Variants in RGMA observed in about 807,000 individuals in gnomAD.
RGMA encodes repulsive guidance molecule BMP co-receptor a, also known as repulsive guidance molecule A.
RGMA carries 10 observed loss-of-function variants against 23.2 expected under a neutral mutation model. That is an observed-to-expected ratio of 0.43 (90% CI 0.27 to 0.73). The LOEUF is 0.73. RGMA is among the 30% of genes least tolerant of loss of function. The pLI is 0.20. For missense variants in RGMA, 547 were observed against 630.5 expected (o/e 0.87, Z 1.42); for synonymous variants, 308 against 279.3 (o/e 1.10, Z -1.03).
chr15:93,044,981 C>G lies in RGMA; in HGVS notation c.*17G>C. 8.9e-6 allele frequency: 14 copies of G among 1,578,508 alleles called. No individual in the cohort carries two copies. The highest frequency in any genetic ancestry group is 1.1e-5 in the South Asian group (1 of 88,084). ...GCCGAGAGGACGGAGCCCGCGCCTC[C>G]CTCCACATCTACGCGTCTAGCAGAA... is the stretch of plus-strand genomic sequence containing the variant. On this transcript the variant is annotated 3_prime_UTR_variant, in exon 4 of 4. Coordinates refer to ENST00000329082, the MANE Select transcript of RGMA (RefSeq NM_020211.3).
chr15:93,047,379 C>T (rs1312426438), intron 3 of RGMA, among the ~76,000 whole-genome samples: 1 of 152,132 alleles, frequency 6.6e-6, no homozygotes, highest in Non-Finnish European at 1.5e-5. Flanking sequence ...CCCCCTGGAC[C>T]AAGGGCAGCT....
At chr15:93,087,460 T>C (rs1385474929) in intron 1 of RGMA, among the ~76,000 whole-genome samples, 2 of 2,090 alleles carry the variant, frequency 9.6e-4, no homozygotes, top group African/African-American at 1.7e-3. Context: ...CTTCTTTGTA[T>C]GTGCAAAAAA....
At chr15:93,083,265 T>C (rs955018425) in intron 1 of RGMA, among the ~76,000 whole-genome samples, 1 of 152,274 alleles carries the variant, frequency 6.6e-6, no homozygotes, top group East Asian at 1.9e-4. Flanking sequence ...TTTTGTCATA[T>C]GATCTTGGGA....
rs962590527 is a variant in RGMA, at chr15:93,073,419, C to A, written c.15-388G>T. On this transcript the variant is annotated intron_variant, in intron 1 of 3. Coordinates refer to ENST00000329082, the MANE Select transcript of RGMA (RefSeq NM_020211.3). ...CGCTCCCCGACCCTCGCGCCATCTC[C>A]AGCCCGCGGCTGTCCTTGCAAACCA... 15 of 762,746 alleles carry A rather than the reference C, an allele frequency of 2.0e-5. No homozygotes were observed. In the African/African-American group the frequency reaches 2.5e-4, roughly 13 times the overall value. The allele number at this position is 762,746 out of a possible 1,614,324, so 47.2% of individuals were successfully genotyped here. A position where few individuals can be genotyped will look rare whatever the true frequency, so the allele number is the denominator to read the frequency against.
intron 1 of RGMA, 78 bp downstream of exon 1, chr15:93,088,841 C>T: frequency 7.6e-7 from 1 of 1,321,998 alleles, no homozygotes; most frequent in Non-Finnish European, 1.0e-6. Flanking sequence ...ACCAAAGCAG[C>T]GCCGTGGCCC....
intron 1 of RGMA, among the ~76,000 whole-genome samples, chr15:93,082,072 G>C (rs1009891648): frequency 6.6e-6 from 1 of 152,220 alleles, no homozygotes; most frequent in Non-Finnish European, 1.5e-5. Flanking sequence ...AGATTGTTGT[G>C]AGGATTAAAT....
intron 2 of RGMA, 127 bp downstream of exon 2, chr15:93,072,789 G>A: frequency 9.4e-7 from 1 of 1,068,778 alleles, no homozygotes; most frequent in Non-Finnish European, 1.3e-6. Context: ...AAGACCCGTG[G>A]AAATAGGAGG....
intron 1 of RGMA, among the ~76,000 whole-genome samples, chr15:93,085,044 A>G (rs1567197449): frequency 6.6e-6 from 1 of 152,216 alleles, no homozygotes; most frequent in East Asian, 1.9e-4. Flanking sequence ...TCCATCTTCA[A>G]GAAGAAATGT....
chr15:93,061,438 C>T (rs1295122593), intron 2 of RGMA, among the ~76,000 whole-genome samples: 8 of 152,226 alleles, frequency 5.3e-5, no homozygotes, highest in African/African-American at 1.9e-4. Context: ...GCATGAGCCA[C>T]CACGCCTGGC....
intron 1 of RGMA, among the ~76,000 whole-genome samples, chr15:93,082,025 A>G (rs1320939107): frequency 3.9e-5 from 6 of 152,246 alleles, no homozygotes; most frequent in Admixed American, 3.9e-4. Flanking sequence ...CAGTTATTTC[A>G]TCCGTAAGAT....
At position 93,052,461 on chromosome 15, in the gene RGMA, G is replaced by A. The variant is rs577863941; in HGVS notation, c.177C>T (p.Ser59=). The change falls in exon 3 of 4, where the codon AGC becomes AGT. Residue 59 remains serine, a synonymous_variant. Transcript: ENST00000329082. ...CTGGGGCGTGGCTGCCCGACGTGGC[G>A]CTCCAGAACTCAGAGTTGCACTTGA... is the stretch of plus-strand genomic sequence containing the variant. ...KILKCNSEFW[S]ATSGSHAPAS... is the part of the protein sequence containing the mutation. 9 of 1,589,112 alleles carry A rather than the reference G, an allele frequency of 5.7e-6. 1 individual carries two copies. The highest frequency in any genetic ancestry group is 3.3e-5 in the South Asian group (3 of 90,484).
chr15:93,054,142 A>G (rs1404283897), intron 2 of RGMA, among the ~76,000 whole-genome samples: 2 of 150,576 alleles, frequency 1.3e-5, no homozygotes, highest in Non-Finnish European at 2.9e-5. Context: ...TGGCACGAGA[A>G]CTGCTTGAAC....
rs1251128050 is a variant in RGMA, at chr15:93,043,757, G to C, written c.*1241C>G. 2 of 151,844 alleles carry C rather than the reference G, an allele frequency of 1.3e-5. No individual in the cohort carries two copies. The highest frequency in any genetic ancestry group is 4.8e-5 in the African/African-American group (2 of 41,318). The allele number at this position is 151,844 out of a possible 1,614,324, so 9.4% of individuals were successfully genotyped here. A position where few individuals can be genotyped will look rare whatever the true frequency, so the allele number is the denominator to read the frequency against. The stretch of plus-strand genomic sequence containing the variant: ...GTGTATGAGAGGTCCCTGGGGAACA[G>C]CAGAGGGGCTGCCGATGGGTGGGTA... On this transcript the variant is annotated 3_prime_UTR_variant, in exon 4 of 4. Transcript: ENST00000329082.
chr15:93,080,783 C>T (rs545896312), intron 1 of RGMA, among the ~76,000 whole-genome samples: 243 of 152,268 alleles, frequency 1.6e-3, no homozygotes, highest in African/African-American at 5.4e-3. Flanking sequence ...TCTCGACTTC[C>T]CATATTCTCA....
chr15:93,070,811 G>A (rs547639698), intron 2 of RGMA, among the ~76,000 whole-genome samples: 18 of 152,330 alleles, frequency 1.2e-4, no homozygotes, highest in African/African-American at 1.4e-4. Flanking sequence ...CGGCCTTGAC[G>A]CCAAAAAGAA....
At chr15:93,063,330 GGC>G (rs1895032420) in intron 2 of RGMA, among the ~76,000 whole-genome samples, 1 of 152,242 alleles carries the variant, frequency 6.6e-6, no homozygotes, top group South Asian at 2.1e-4. Flanking sequence ...CCAGGGGGCT[GGC>G]CGGCTCACAC....
chr15:93,052,062 A>G lies in RGMA; in HGVS notation c.576T>C (p.Asn192=), dbSNP rs201760273. The change falls in exon 3 of 4, where the codon AAT becomes AAC. Residue 192 remains asparagine (N), a synonymous_variant. Transcript: ENST00000329082. ...TGGTGACCTGCACGTTCAGGTAATT[A>G]TTGTCGATGAGCGGCCAGGCGCCCT... ...KVQGAWPLID[N]NYLNVQVTNT... is the part of the protein sequence containing the mutation. 9.0e-4 allele frequency: 1,445 copies of G among 1,612,594 alleles called. 9 individuals are homozygous for G. The African/African-American group carries it at 0.011, about 13-fold the overall frequency.
chr15:93,035,473 C>T lies in RGMA; in HGVS notation c.*9525G>A, dbSNP rs1163208056. The stretch of plus-strand genomic sequence containing the variant: ...GGATGGAAAACCTCTTAAGAGGAAA[C>T]ACCTGGGGGGATTCTTGCTGAAGGC... On this transcript the variant is annotated 3_prime_UTR_variant, in exon 4 of 4. Coordinates refer to ENST00000329082, the MANE Select transcript of RGMA (RefSeq NM_020211.3). 3.3e-5 allele frequency: 5 copies of T among 152,220 alleles called. No homozygotes were observed. Among genetic ancestry groups the T allele is most frequent in the African/African-American group, 1.2e-4 (5 of 41,428 alleles). The allele number at this position is 152,220 out of a possible 1,614,324, so 9.4% of individuals were successfully genotyped here. A position where few individuals can be genotyped will look rare whatever the true frequency, so the allele number is the denominator to read the frequency against.
At chr15:93,071,143 G>C (rs556491752) in intron 2 of RGMA, among the ~76,000 whole-genome samples, 1 of 152,330 alleles carries the variant, frequency 6.6e-6, no homozygotes, top group African/African-American at 2.4e-5. Context: ...CGGCAGCCAA[G>C]GGACAAAAGC....
Sources: gnomAD v4.1 joint callset for allele counts (sites outside exome capture counted in the v4.1 genomes callset) on GRCh38, gnomAD v4.1.1 for gene constraint, MANE v1.5 for transcripts, NCBI Gene and HGNC (gene_info 2026-07-23, HGNC 2026-07-21) for gene names.